CACNG3: variants seen among roughly 807,000 people sequenced by gnomAD.
CACNG3 encodes the protein calcium voltage-gated channel auxiliary subunit gamma 3, also known as voltage-dependent calcium channel gamma-3 subunit.
Under a neutral mutation model 28.5 loss-of-function variants are expected in CACNG3, and 3 were observed. That is an observed-to-expected ratio of 0.11 (90% CI 0.05 to 0.27). The LOEUF is 0.27. CACNG3 is among the 10% of genes least tolerant of loss of function. The pLI, the probability that CACNG3 is intolerant of heterozygous loss-of-function variation, is 1.00. For synonymous variants in CACNG3, 174 were observed against 162.2 expected (o/e 1.07, Z -0.55); for missense variants, 236 against 414.4 (o/e 0.57, Z 3.74).
At chr16:24,291,877 G>A (rs115506495) in intron 1 of CACNG3, among the ~76,000 whole-genome samples, 381 of 152,288 alleles carry the variant, frequency 2.5e-3, no homozygotes, top group African/African-American at 8.9e-3. Flanking sequence ...AGCTATTAAC[G>A]TCAAGGAATG....
chr16:24,313,901 C>A (rs1005396976), intron 1 of CACNG3, among the ~76,000 whole-genome samples: 3 of 152,000 alleles, frequency 2.0e-5, no homozygotes, highest in Non-Finnish European at 4.4e-5. Flanking sequence ...CGCACCACCA[C>A]ACCTGGCTAA....
chr16:24,274,153 C>T (rs576624861), intron 1 of CACNG3, among the ~76,000 whole-genome samples: 9 of 148,374 alleles, frequency 6.1e-5, no homozygotes, highest in African/African-American at 2.0e-4. Flanking sequence ...CACCATTGCA[C>T]TCCAGCCTGG....
rs76136029 is a variant in CACNG3 at position 24,337,187 on chromosome 16, G to A, written c.212-9547G>A. Among the ~76,000 whole-genome samples the A allele has an allele frequency of 3.3e-5, 5 of 152,280 alleles. No individual in the cohort carries two copies. The East Asian group carries it at 5.8e-4, about 18-fold the overall frequency. ...TCCATTGCACAAGGCCATACAAGTA[G>A]TAACTTAGTGGCTGGCCAAGGATTC... On this transcript the variant is annotated intron_variant, in intron 1 of 3. Coordinates refer to ENST00000005284, the MANE Select transcript of CACNG3 (RefSeq NM_006539.4).
intron 1 of CACNG3, among the ~76,000 whole-genome samples, chr16:24,309,375 G>A (rs1567215227): frequency 6.6e-6 from 1 of 152,166 alleles, no homozygotes. Flanking sequence ...TCTAATGCAG[G>A]CTTCCTGGCA....
chr16:24,270,908 C>T (rs1183538850), intron 1 of CACNG3, among the ~76,000 whole-genome samples: 3 of 152,154 alleles, frequency 2.0e-5, no homozygotes, highest in African/African-American at 7.2e-5. Context: ...GATGGGCATT[C>T]CAGGCAGATG....
chr16:24,302,432 CG>C (rs1454291105), intron 1 of CACNG3, among the ~76,000 whole-genome samples: 1 of 151,966 alleles, frequency 6.6e-6, no homozygotes, highest in Non-Finnish European at 1.5e-5. Context: ...GCCATCAGGA[CG>C]GGTTCCAGGT....
At chr16:24,285,355 C>A (rs1396313070) in intron 1 of CACNG3, among the ~76,000 whole-genome samples, 1 of 152,178 alleles carries the variant, frequency 6.6e-6, no homozygotes, top group Non-Finnish European at 1.5e-5. Context: ...CCGTTTACTG[C>A]ACCTAGTGAG....
intron 1 of CACNG3, among the ~76,000 whole-genome samples, chr16:24,336,719 G>A (rs917426918): frequency 7.9e-6 from 1 of 126,012 alleles, no homozygotes; most frequent in African/African-American, 2.6e-5. Context: ...TCCCATTCAT[G>A]AGGGCCCCAC....
At chr16:24,262,605 C>T (rs755727487) in intron 1 of CACNG3, among the ~76,000 whole-genome samples, 1 of 152,238 alleles carries the variant, frequency 6.6e-6, no homozygotes, top group African/African-American at 2.4e-5. Flanking sequence ...CAGATGTCAT[C>T]GTGACCTTGC....
chr16:24,262,606 G>C (rs901229649), intron 1 of CACNG3, among the ~76,000 whole-genome samples: 1 of 152,208 alleles, frequency 6.6e-6, no homozygotes, highest in Non-Finnish European at 1.5e-5. Context: ...AGATGTCATC[G>C]TGACCTTGCT....
intron 1 of CACNG3, among the ~76,000 whole-genome samples, chr16:24,271,821 G>T (rs528154674): frequency 6.6e-6 from 1 of 151,530 alleles, no homozygotes; most frequent in South Asian, 2.1e-4. Flanking sequence ...AACAGTCATG[G>T]CAGGGGTGTC....
chr16:24,353,851 A>G (rs1458426401), intron 2 of CACNG3, among the ~76,000 whole-genome samples: 1 of 152,206 alleles, frequency 6.6e-6, no homozygotes, highest in African/African-American at 2.4e-5. Flanking sequence ...GAGTCCCTGT[A>G]TACAGGGCTG....
At chr16:24,310,483 G>C (rs1899246497) in intron 1 of CACNG3, among the ~76,000 whole-genome samples, 1 of 152,190 alleles carries the variant, frequency 6.6e-6, no homozygotes, top group Non-Finnish European at 1.5e-5. Flanking sequence ...AGAATCTCTT[G>C]AGCCCAAGAG....
At chr16:24,300,305 G>C (rs1000225146) in intron 1 of CACNG3, among the ~76,000 whole-genome samples, 5 of 152,096 alleles carry the variant, frequency 3.3e-5, no homozygotes, top group Middle Eastern at 3.2e-3. Context: ...TCTGTACACA[G>C]GGGCCCCGAT....
chr16:24,277,779 C>CAA lies in CACNG3; in HGVS notation c.211+20831_211+20832dup, dbSNP rs34379768. ...TGGGTGACAGAGCAAGACTCCATCT[C>CAA]AAAAAAAAAAAAAAAAAAGTAAAGG... On this transcript the variant is annotated intron_variant, in intron 1 of 3. Transcript: ENST00000005284. Among the ~76,000 whole-genome samples the CAA allele has an allele frequency of 1.4e-3, 133 of 97,670 alleles. 1 individual carries two copies. Among genetic ancestry groups the CAA allele is most frequent in the East Asian group, 8.3e-3 (33 of 3,994 alleles). The allele number at this position is 97,670 out of a possible 152,430, so 64.1% of individuals were successfully genotyped here. A position where few individuals can be genotyped will look rare whatever the true frequency, so the allele number is the denominator to read the frequency against.
chr16:24,261,819 T>G lies in CACNG3; in HGVS notation c.211+4854T>G, dbSNP rs542385715. 2.9e-3 allele frequency among the ~76,000 whole-genome samples: 435 copies of G among 152,172 alleles called. 2 individuals carry two copies. The highest frequency in any genetic ancestry group is 4.6e-3 in the Non-Finnish European group (316 of 68,036). On this transcript the variant is annotated intron_variant, in intron 1 of 3. Coordinates refer to ENST00000005284, the MANE Select transcript of CACNG3 (RefSeq NM_006539.4). ...CTGGAGAAAAAAATTAGCCAGTCAT[T>G]AGAAGTTCTCCCATATTTCCAAAAC...
intron 1 of CACNG3, among the ~76,000 whole-genome samples, chr16:24,296,868 G>A (rs1899038121): frequency 6.6e-6 from 1 of 152,120 alleles, no homozygotes; most frequent in Non-Finnish European, 1.5e-5. Context: ...AAATGGAGCT[G>A]ACCTGTAATT....
chr16:24,324,026 G>A (rs901800887), intron 1 of CACNG3, among the ~76,000 whole-genome samples: 4 of 152,056 alleles, frequency 2.6e-5, no homozygotes, highest in African/African-American at 9.7e-5. Flanking sequence ...TGCCTGCCTC[G>A]GCCTCCTAAA....
intron 3 of CACNG3, 26 bp downstream of exon 3, chr16:24,354,999 A>T (rs1287595248): frequency 6.2e-7 from 1 of 1,603,346 alleles, no homozygotes; most frequent in Non-Finnish European, 8.5e-7. Context: ...CAGCCCTGAG[A>T]TCTTCACAGA....
Sources: allele counts gnomAD v4.1 joint callset (sites outside exome capture counted in the v4.1 genomes callset), GRCh38; gene constraint gnomAD v4.1.1; transcripts MANE v1.5; gene names NCBI Gene and HGNC (gene_info 2026-07-23, HGNC 2026-07-21).